Variants in NWD1 observed in about 807,000 individuals in gnomAD.
NWD1 encodes NACHT domain- and WD repeat-containing protein 1.
Under a neutral mutation model 135.1 loss-of-function variants are expected in NWD1, and 129 were observed. The observed-to-expected ratio is 0.96, with a 90% confidence interval of 0.83 to 1.11. The LOEUF is 1.11. NWD1 is among the 50% of genes least tolerant of loss of function. The pLI is 0.00. For missense variants in NWD1, 1,740 were observed against 1,851.3 expected (o/e 0.94, Z 1.10); for synonymous variants, 773 against 786.0 (o/e 0.98, Z 0.28).
intron 11 of NWD1, among the ~76,000 whole-genome samples, chr19:16,779,132 A>C (rs1042845728): frequency 2.0e-5 from 3 of 152,132 alleles, no homozygotes; most frequent in Non-Finnish European, 4.4e-5. Flanking sequence ...TTCCCTACCT[A>C]AGAGCGAAGT....
Position 16,789,139 on chromosome 19 carries a change from C to T in NWD1, c.2889C>T (p.Asn963=), listed in dbSNP as rs1347450762. Residue 963 remains asparagine, a synonymous_variant, in exon 13 of 19, where the codon AAC becomes AAT. Coordinates refer to ENST00000524140, the MANE Select transcript of NWD1 (RefSeq NM_001007525.5). ...ATCCCGCTGAACCTCAGATCTGGAA[C>T]CTTCATGTGGATGAGGCACACAAAG... ...SKNPAEPQIW[N]LHVDEAHKVV... is the part of the protein sequence containing the mutation. 3 of 1,613,948 alleles carry T rather than the reference C, an allele frequency of 1.9e-6. No individual in the cohort carries two copies. The highest frequency in any genetic ancestry group is 2.5e-6 in the Non-Finnish European group (3 of 1,179,986).
chr19:16,741,158 C>A (rs1339942422), intron 4 of NWD1, among the ~76,000 whole-genome samples: 1 of 152,034 alleles, frequency 6.6e-6, no homozygotes, highest in Non-Finnish European at 1.5e-5. Flanking sequence ...GAAACTCTGA[C>A]TCAAGAAAAG....
At chr19:16,732,265 C>T (rs1403778831) in intron 3 of NWD1, among the ~76,000 whole-genome samples, 6 of 150,826 alleles carry the variant, frequency 4.0e-5, no homozygotes, top group Admixed American at 6.6e-5. Context: ...CCATGTGCAC[C>T]GTGCTTGGTT....
chr19:16,764,979 G>C, intron 9 of NWD1, 55 bp from the exon 10 acceptor site: 1 of 1,579,200 alleles, frequency 6.3e-7, no homozygotes, highest in East Asian at 2.2e-5. Flanking sequence ...CACCTCCCAG[G>C]ATGAACTGGA....
intron 2 of NWD1, among the ~76,000 whole-genome samples, chr19:16,724,884 G>C (rs1015409279): frequency 3.3e-5 from 5 of 151,846 alleles, no homozygotes; most frequent in Non-Finnish European, 4.4e-5. Context: ...AGTAGAGATG[G>C]GGTTTCACCA....
intron 6 of NWD1, among the ~76,000 whole-genome samples, chr19:16,753,650 C>T (rs1968664329): frequency 6.6e-6 from 1 of 152,162 alleles, no homozygotes; most frequent in Admixed American, 6.6e-5. Context: ...GGTGTCTTTA[C>T]TGAGTGGAGT....
In NWD1 at chr19:16,779,793, T is replaced by C. The variant is rs961220692; in HGVS notation, c.2731+328T>C. 2.0e-5 allele frequency among the ~76,000 whole-genome samples: 3 copies of C among 151,998 alleles called. 1 individual carries two copies. Among genetic ancestry groups the C allele is most frequent in the Non-Finnish European group, 1.5e-5 (1 of 67,990 alleles). Reference sequence around the variant, plus strand: ...CTGGGACTACAAGCACATACCACTATACCCAGCTAATTTTTTAATGTTTTT... The same window carrying C: ...CTGGGACTACAAGCACATACCACTACACCCAGCTAATTTTTTAATGTTTTT... On this transcript the variant is annotated intron_variant, in intron 12 of 18. Transcript: ENST00000524140.
intron 2 of NWD1, 103 bp downstream of exon 2, chr19:16,724,566 G>A (rs1967253494): frequency 6.6e-6 from 1 of 152,198 alleles, no homozygotes; most frequent in Non-Finnish European, 1.5e-5. Flanking sequence ...GTCAGATCAT[G>A]GCTGGACGTG....
intron 18 of NWD1, among the ~76,000 whole-genome samples, chr19:16,813,036 T>C (rs1008969890): frequency 1.2e-4 from 19 of 152,188 alleles, no homozygotes; most frequent in Admixed American, 7.9e-4. Context: ...TGCTCTGGAG[T>C]TCGAGAACTC....
Position 16,731,717 on chromosome 19 carries a change from G to A in NWD1, c.81+439G>A, listed in dbSNP as rs144449795. On this transcript the variant is annotated intron_variant, in intron 3 of 18. Coordinates refer to ENST00000524140, the MANE Select transcript of NWD1 (RefSeq NM_001007525.5). ...CCTCCAGGGTTCAAGCGATTCTCTC[G>A]CCTCAGCCTCCTGAGTAGCTGGGAT... 1.2e-3 allele frequency among the ~76,000 whole-genome samples: 184 copies of A among 151,316 alleles called. 1 individual carries two copies. Among genetic ancestry groups the A allele is most frequent in the African/African-American group, 4.2e-3 (173 of 41,158 alleles).
At chr19:16,802,723 G>A (rs939473935) in intron 17 of NWD1, among the ~76,000 whole-genome samples, 4 of 151,964 alleles carry the variant, frequency 2.6e-5, no homozygotes, top group African/African-American at 7.3e-5. Context: ...ACCTGAGGCC[G>A]GGCCTGCTGG....
chr19:16,765,661 A>G (rs1433718049), intron 10 of NWD1, among the ~76,000 whole-genome samples: 1 of 152,078 alleles, frequency 6.6e-6, no homozygotes. Flanking sequence ...TGAGCCTGGG[A>G]GAGCTTTGGA....
chr19:16,794,019 G>A (rs990258720), intron 14 of NWD1, among the ~76,000 whole-genome samples: 2 of 152,140 alleles, frequency 1.3e-5, no homozygotes, highest in African/African-American at 4.8e-5. Flanking sequence ...TGAGCCTCCT[G>A]AGTAGCTGGG....
chr19:16,740,896 C>T (rs1318658993), intron 4 of NWD1, among the ~76,000 whole-genome samples: 6 of 152,004 alleles, frequency 3.9e-5, no homozygotes, highest in Non-Finnish European at 5.9e-5. Context: ...CAGTGGCTTA[C>T]GCCTGTAATC....
chr19:16,802,410 T>C (rs4808055), intron 17 of NWD1, among the ~76,000 whole-genome samples: 24,629 of 146,232 alleles, frequency 0.17, 2,444 homozygotes, highest in East Asian at 0.31. Flanking sequence ...CAGTGAACTG[T>C]GATTGCACCA....
chr19:16,794,347 C>T, intron 14 of NWD1, 116 bp from the exon 15 acceptor site: 1 of 593,492 alleles, frequency 1.7e-6, no homozygotes, highest in Non-Finnish European at 3.0e-6. Flanking sequence ...GCCTGGGAGA[C>T]AGAGTGAGAC....
intron 12 of NWD1, among the ~76,000 whole-genome samples, chr19:16,788,761 A>T (rs1446146240): frequency 6.6e-6 from 1 of 152,042 alleles, no homozygotes; most frequent in African/African-American, 2.4e-5. Context: ...TTAGGCATAC[A>T]AGCGTGAGAA....
chr19:16,762,147 C>A lies in NWD1; in HGVS notation c.2133+9C>A. On this transcript the variant is annotated intron_variant, in intron 8 of 18. Coordinates refer to ENST00000524140, the MANE Select transcript of NWD1 (RefSeq NM_001007525.5). ...TGAACTTGGACCGAAAGGTGAGGTACCTGGGACCCCCATTCCCCACCTGCA... is the reference window on the plus strand; with the variant it reads ...TGAACTTGGACCGAAAGGTGAGGTAACTGGGACCCCCATTCCCCACCTGCA... The A allele has an allele frequency of 6.2e-7, 1 of 1,609,308 alleles. No homozygotes were observed.
chr19:16,802,775 C>A (rs756533259), intron 17 of NWD1, among the ~76,000 whole-genome samples: 2 of 151,854 alleles, frequency 1.3e-5, no homozygotes, highest in African/African-American at 2.4e-5. Context: ...CCAAGGCAGG[C>A]GCATCATTTG....
Sources: allele counts gnomAD v4.1 joint callset (sites outside exome capture counted in the v4.1 genomes callset), GRCh38; gene constraint gnomAD v4.1.1; transcripts MANE v1.5; gene names NCBI Gene and HGNC (gene_info 2026-07-23, HGNC 2026-07-21).